TPD52L1: variants seen among roughly 807,000 people sequenced by gnomAD.
TPD52L1 encodes the protein tumor protein D53.
Under a neutral mutation model 28.7 loss-of-function variants are expected in TPD52L1, and 18 were observed. The observed-to-expected ratio is 0.63, with a 90% confidence interval of 0.43 to 0.93. The LOEUF (loss-of-function observed/expected upper bound fraction) is 0.93. Among genes scored for constraint, TPD52L1 ranks in the 40% least tolerant of loss-of-function variants. TPD52L1 has a pLI of 0.00. For missense variants in TPD52L1, 203 were observed against 254.8 expected (o/e 0.80, Z 1.39); for synonymous variants, 75 against 88.8 (o/e 0.84, Z 0.88).
chr6:125,186,592 A>C (rs554375782), intron 1 of TPD52L1, among the ~76,000 whole-genome samples: 2 of 152,356 alleles, frequency 1.3e-5, no homozygotes, highest in Non-Finnish European at 2.9e-5. Flanking sequence ...CATCTATTGA[A>C]GAATAAACTG....
intron 6 of TPD52L1, among the ~76,000 whole-genome samples, chr6:125,257,474 A>G (rs1797675391): frequency 1.3e-5 from 2 of 152,362 alleles, no homozygotes; most frequent in African/African-American, 2.4e-5. Context: ...GATAAAGGCT[A>G]TATGAATTCT....
chr6:125,213,949 AAC>A, intron 1 of TPD52L1, among the ~76,000 whole-genome samples: 1 of 152,198 alleles, frequency 6.6e-6, no homozygotes, highest in East Asian at 1.9e-4. Flanking sequence ...AAGGGCATCA[AAC>A]AGTGTTGAAG....
intron 1 of TPD52L1, among the ~76,000 whole-genome samples, chr6:125,160,160 C>T (rs514751): frequency 0.39 from 59,738 of 151,870 alleles, 12,968 homozygotes; most frequent in African/African-American, 0.59. Flanking sequence ...TTATTAGCAG[C>T]ATAAGAATGG....
At chr6:125,228,025 T>C (rs779748055) in intron 2 of TPD52L1, among the ~76,000 whole-genome samples, 51 of 151,882 alleles carry the variant, frequency 3.4e-4, no homozygotes, top group Non-Finnish European at 6.3e-4. Flanking sequence ...AGAATACTAC[T>C]CTGCAAAAAA....
chr6:125,192,052 G>A (rs979319546), intron 1 of TPD52L1, among the ~76,000 whole-genome samples: 4 of 152,180 alleles, frequency 2.6e-5, no homozygotes, highest in Non-Finnish European at 5.9e-5. Context: ...GGGGAAGAAA[G>A]CCACGTTCTT....
intron 1 of TPD52L1, among the ~76,000 whole-genome samples, chr6:125,202,503 T>A (rs1219770405): frequency 2.6e-5 from 4 of 152,120 alleles, no homozygotes; most frequent in Non-Finnish European, 5.9e-5. Context: ...TCGCAGCTAC[T>A]CAGCTAACCA....
At chr6:125,198,683 C>T (rs2114888287) in intron 1 of TPD52L1, among the ~76,000 whole-genome samples, 1 of 152,312 alleles carries the variant, frequency 6.6e-6, no homozygotes, top group South Asian at 2.1e-4. Context: ...ATTGTGAACA[C>T]AAGTGTCAGC....
At chr6:125,198,346 C>A (rs1047570097) in intron 1 of TPD52L1, among the ~76,000 whole-genome samples, 2 of 152,174 alleles carry the variant, frequency 1.3e-5, no homozygotes, top group Admixed American at 1.3e-4. Context: ...CAGCTACTTA[C>A]TAGAGATGGG....
chr6:125,199,685 C>CA (rs567946950), intron 1 of TPD52L1, among the ~76,000 whole-genome samples: 3 of 151,690 alleles, frequency 2.0e-5, no homozygotes, highest in Non-Finnish European at 4.4e-5. Context: ...AACCCCATCT[C>CA]AAAAAAAATC....
At chr6:125,244,490 C>G (rs1451427466) in intron 3 of TPD52L1, among the ~76,000 whole-genome samples, 1 of 152,196 alleles carries the variant, frequency 6.6e-6, no homozygotes, top group Non-Finnish European at 1.5e-5. Context: ...ACCTCACAGC[C>G]TTATTCCTGT....
chr6:125,205,894 T>C (rs1276627712), intron 1 of TPD52L1, among the ~76,000 whole-genome samples: 1 of 152,234 alleles, frequency 6.6e-6, no homozygotes, highest in African/African-American at 2.4e-5. Flanking sequence ...ACTTCCATTT[T>C]TAGCCCAAGT....
At chr6:125,166,987 T>C (rs1790952847) in intron 1 of TPD52L1, among the ~76,000 whole-genome samples, 1 of 152,076 alleles carries the variant, frequency 6.6e-6, no homozygotes, top group Admixed American at 6.5e-5. Flanking sequence ...CTGGGTAGGG[T>C]GGCTCATGCC....
rs141750389 is a variant in TPD52L1, at chr6:125,232,018, C to T, written c.284+2752C>T. On this transcript the variant is annotated intron_variant, in intron 3 of 6. Coordinates refer to ENST00000534000, the MANE Select transcript of TPD52L1 (RefSeq NM_003287.4). ...AGTCTGGAGGAGAGGCACAATAATT[C>T]GTTTTGGCTCCGTAAAGTCTGAAAT... Among the ~76,000 whole-genome samples the T allele has an allele frequency of 1.7e-4, 26 of 152,198 alleles. No homozygotes were observed. In the East Asian group the frequency reaches 3.3e-3, roughly 19 times the overall value.
At chr6:125,223,708 CAAAAAAAAAAAAAAA>C (rs11294390) in intron 2 of TPD52L1, among the ~76,000 whole-genome samples, 1 of 71,486 alleles carries the variant, frequency 1.4e-5, no homozygotes, top group Non-Finnish European at 2.8e-5. Context: ...GATTCCATCT[CAAAAAAAAAAAAAAA>C]AAAAAAAAGG....
chr6:125,249,566 C>A (rs2115039467), intron 4 of TPD52L1, among the ~76,000 whole-genome samples: 1 of 151,452 alleles, frequency 6.6e-6, no homozygotes, highest in East Asian at 1.9e-4. Flanking sequence ...GTTGTGTGTG[C>A]CTGTAGTCCC....
chr6:125,196,909 T>A (rs1213262407), intron 1 of TPD52L1, among the ~76,000 whole-genome samples: 1 of 152,198 alleles, frequency 6.6e-6, no homozygotes, highest in African/African-American at 2.4e-5. Context: ...GTAGTCATAT[T>A]CCTAGATCAT....
At chr6:125,225,422 C>A (rs563411977) in intron 2 of TPD52L1, among the ~76,000 whole-genome samples, 1 of 152,272 alleles carries the variant, frequency 6.6e-6, no homozygotes, top group African/African-American at 2.4e-5. Flanking sequence ...TTCTGAGAAA[C>A]TGTACGACTG....
chr6:125,263,021 G>A lies in TPD52L1; in HGVS notation c.*59G>A. On this transcript the variant is annotated 3_prime_UTR_variant, in exon 7 of 7. Coordinates refer to ENST00000534000, the MANE Select transcript of TPD52L1 (RefSeq NM_003287.4). ...GCCACTACCCAGCCCATCTCTGCCT[G>A]TGCTTATCCAGATAAGAAGACCAAA... 1 of 1,530,042 alleles carries A rather than the reference G, an allele frequency of 6.5e-7. No homozygotes were observed. The highest frequency in any genetic ancestry group is 8.8e-7 in the Non-Finnish European group (1 of 1,140,140). 94.8% of individuals were successfully genotyped at this position (1,530,042 alleles called of 1,614,324 possible). A position where few individuals can be genotyped will look rare whatever the true frequency, so the allele number is the denominator to read the frequency against.
intron 3 of TPD52L1, among the ~76,000 whole-genome samples, chr6:125,236,626 A>G (rs1479464410): frequency 1.3e-5 from 2 of 152,246 alleles, no homozygotes; most frequent in Non-Finnish European, 2.9e-5. Context: ...AACCAACACA[A>G]GAATGAATTC....
Sources: allele counts gnomAD v4.1 joint callset (sites outside exome capture counted in the v4.1 genomes callset), GRCh38; gene constraint gnomAD v4.1.1; transcripts MANE v1.5; gene names NCBI Gene and HGNC (gene_info 2026-07-23, HGNC 2026-07-21).